TMEM161B: variants seen among roughly 807,000 people sequenced by gnomAD.
The protein encoded by TMEM161B is transmembrane protein 161B.
Under a neutral mutation model 61.8 loss-of-function variants are expected in TMEM161B, and 34 were observed. That is an observed-to-expected ratio of 0.55 (90% CI 0.42 to 0.73). The LOEUF (loss-of-function observed/expected upper bound fraction) is 0.73. Ranked by LOEUF, TMEM161B falls within the 30% of genes least tolerant of loss-of-function variation. The pLI is 0.00. For missense variants in TMEM161B, 456 were observed against 558.5 expected, an observed-to-expected ratio of 0.82 and a Z score of 1.85; for synonymous variants, 167 against 192.8, an observed-to-expected ratio of 0.87 and a Z score of 1.11.
chr5:88,192,901 T>C (rs188126223), downstream of TMEM161B, among the ~76,000 whole-genome samples: 202 of 152,300 alleles, frequency 1.3e-3, 1 homozygote, highest in African/African-American at 4.5e-3. Context: ...AAGTTCCAAT[T>C]ATAGATTTCA....
At chr5:88,247,823 T>C (rs1753810580) in intron 1 of TMEM161B, among the ~76,000 whole-genome samples, 1 of 152,120 alleles carries the variant, frequency 6.6e-6, no homozygotes, top group Non-Finnish European at 1.5e-5. Flanking sequence ...TCAATGCTTT[T>C]TTCACCGGTC....
intron 2 of TMEM161B, among the ~76,000 whole-genome samples, chr5:88,234,104 C>T (rs1751447374): frequency 6.6e-6 from 1 of 151,916 alleles, no homozygotes; most frequent in Admixed American, 6.6e-5. Context: ...GCTGTGACTT[C>T]TTTATTCGTT....
rs1353206178 is a variant in TMEM161B at position 88,205,771 on chromosome 5, A to C, written c.800+43T>G. 2.5e-6 allele frequency: 4 copies of C among 1,598,580 alleles called. No individual in the cohort carries two copies. In the Admixed American group the frequency reaches 5.2e-5, roughly 21 times the overall value. ...TATTATACCTTCATTAAGATGGAAA[A>C]CATATATTTATCTGCATGTGCTTAT... is the stretch of plus-strand genomic sequence containing the variant. On this transcript the variant is annotated intron_variant, in intron 8 of 11. Transcript: ENST00000296595.
chr5:88,235,837 T>A (rs761094583), intron 2 of TMEM161B, among the ~76,000 whole-genome samples: 1 of 152,184 alleles, frequency 6.6e-6, no homozygotes, highest in Non-Finnish European at 1.5e-5. Context: ...ACCTAGACAA[T>A]CTTTCAGCGC....
At chr5:88,244,958 G>C (rs1211401655) in intron 1 of TMEM161B, among the ~76,000 whole-genome samples, 1 of 151,888 alleles carries the variant, frequency 6.6e-6, no homozygotes, top group South Asian at 2.1e-4. Context: ...TTGATGTATA[G>C]GAATGCTACT....
At chr5:88,219,659 A>G (rs1272585632) in intron 5 of TMEM161B, among the ~76,000 whole-genome samples, 4 of 152,118 alleles carry the variant, frequency 2.6e-5, no homozygotes, top group Non-Finnish European at 5.9e-5. Flanking sequence ...AGGATATCCA[A>G]TTTCTCAAGA....
At position 88,206,489 on chromosome 5, in the gene TMEM161B, A is replaced by G. The variant is rs749644793; in HGVS notation, c.609T>C (p.Asn203=). 3.1e-5 allele frequency: 50 copies of G among 1,592,990 alleles called. No individual in the cohort carries two copies. Among genetic ancestry groups the G allele is most frequent in the Non-Finnish European group, 4.0e-5 (47 of 1,170,440 alleles). Residue 203 remains asparagine (N), a synonymous_variant, in exon 7 of 12, where the codon AAT becomes AAC. Coordinates refer to ENST00000296595, the MANE Select transcript of TMEM161B (RefSeq NM_153354.5). ...LEFGLETGFT[N]FSDSAMQFLE... ...GAAACTGCATCGCACTGTCTGAAAA[A>G]TTTGTAAACCCTGTGGGGGAAAAAA... is the stretch of plus-strand genomic sequence containing the variant.
chr5:88,257,969 T>G (rs1055962014), intron 1 of TMEM161B, among the ~76,000 whole-genome samples: 1 of 152,198 alleles, frequency 6.6e-6, no homozygotes, highest in African/African-American at 2.4e-5. Context: ...TGATTCATTT[T>G]CTTTATAACC....
At chr5:88,256,809 T>C (rs568456082) in intron 1 of TMEM161B, among the ~76,000 whole-genome samples, 24 of 152,348 alleles carry the variant, frequency 1.6e-4, no homozygotes, top group African/African-American at 5.5e-4. Context: ...CTGTTCTTCA[T>C]TGCATTCAGG....
At chr5:88,250,171 CAG>C (rs932796787) in intron 1 of TMEM161B, among the ~76,000 whole-genome samples, 2 of 151,918 alleles carry the variant, frequency 1.3e-5, no homozygotes, top group African/African-American at 2.4e-5. Flanking sequence ...CCAGTTTGCA[CAG>C]AGAGAGAGAA....
downstream of TMEM161B, chr5:88,190,103 A>C (rs1176141028): frequency 1.4e-6 from 1 of 700,732 alleles, no homozygotes; most frequent in Non-Finnish European, 2.6e-6. Flanking sequence ...GTGTTGGATA[A>C]GCCTCCACCC....
chr5:88,268,831 G>A lies in TMEM161B; in HGVS notation c.-108C>T. 5 of 1,579,138 alleles carry A rather than the reference G, an allele frequency of 3.2e-6. No individual in the cohort carries two copies. The highest frequency in any genetic ancestry group is 1.1e-5 in the South Asian group (1 of 88,612). ...AGAGACTCTCAAACAGCGAAAGAGA[G>A]GGTCTTCCGGCTCTGCCGGAAGTTG... On this transcript the variant is annotated 5_prime_UTR_variant, in exon 1 of 12. Transcript: ENST00000296595.
intron 5 of TMEM161B, among the ~76,000 whole-genome samples, chr5:88,214,401 G>A (rs1262112515): frequency 6.6e-6 from 1 of 151,374 alleles, no homozygotes; most frequent in African/African-American, 2.4e-5. Flanking sequence ...TCACATAATT[G>A]ACTCAGTATT....
chr5:88,241,947 C>T lies in TMEM161B; in HGVS notation c.4-1031G>A, dbSNP rs557023406. 4.6e-5 allele frequency among the ~76,000 whole-genome samples: 7 copies of T among 151,876 alleles called. No homozygotes were observed. The South Asian group carries it at 1.5e-3, about 32-fold the overall frequency. ...TTAGACCCCAGAAATAATAGAGCATCTTCTATAGAAAGCAAATCTCTCTAT... is the reference window on the plus strand; with the variant it reads ...TTAGACCCCAGAAATAATAGAGCATTTTCTATAGAAAGCAAATCTCTCTAT... On this transcript the variant is annotated intron_variant, in intron 1 of 11. Coordinates refer to ENST00000296595, the MANE Select transcript of TMEM161B (RefSeq NM_153354.5).
intron 9 of TMEM161B, chr5:88,200,895 A>G (rs1226901971): frequency 6.6e-6 from 1 of 152,020 alleles, no homozygotes; most frequent in Non-Finnish European, 1.5e-5. Flanking sequence ...GGTTGAAACT[A>G]CATTATACCA....
chr5:88,197,771 A>C lies in TMEM161B; in HGVS notation c.1090-6T>G. On this transcript the variant is annotated splice_region_variant and splice_polypyrimidine_tract_variant and intron_variant, in intron 10 of 11. Transcript: ENST00000296595. ...TAATAAAAGACTCGAGCCACCTGCA[A>C]CCAACAACATTCTTAAGTGTCTAAT... The C allele has an allele frequency of 6.2e-7, 1 of 1,611,114 alleles. No individual in the cohort carries two copies. The highest frequency in any genetic ancestry group is 8.5e-7 in the Non-Finnish European group (1 of 1,178,312).
chr5:88,240,492 T>A (rs1340492182), intron 2 of TMEM161B, among the ~76,000 whole-genome samples: 4 of 151,740 alleles, frequency 2.6e-5, no homozygotes, highest in African/African-American at 9.7e-5. Flanking sequence ...TCCATGACCC[T>A]ATTACCTTTG....
intron 5 of TMEM161B, among the ~76,000 whole-genome samples, chr5:88,209,068 C>A (rs919482807): frequency 6.6e-6 from 1 of 152,182 alleles, no homozygotes; most frequent in Admixed American, 6.5e-5. Context: ...TCTTCTACTT[C>A]TGGTGTTATG....
intron 5 of TMEM161B, among the ~76,000 whole-genome samples, chr5:88,215,580 G>A (rs1052175300): frequency 1.3e-5 from 2 of 152,152 alleles, no homozygotes; most frequent in African/African-American, 4.8e-5. Flanking sequence ...AAAGCTGGCA[G>A]AAAGTAGCTT....
Sources: gnomAD v4.1 joint callset for allele counts (sites outside exome capture counted in the v4.1 genomes callset) on GRCh38, gnomAD v4.1.1 for gene constraint, MANE v1.5 for transcripts, NCBI Gene and HGNC (gene_info 2026-07-23, HGNC 2026-07-21) for gene names.